TMEM50B: variants seen among roughly 807,000 people sequenced by gnomAD.
The protein encoded by TMEM50B is transmembrane protein 50B, also known as HCV p7-trans-regulated protein 3.
Under a neutral mutation model 23.4 loss-of-function variants are expected in TMEM50B, and 14 were observed. That is an observed-to-expected ratio of 0.60 (90% CI 0.39 to 0.93). The LOEUF (loss-of-function observed/expected upper bound fraction) is 0.93, where lower values mean the gene tolerates loss of function less well. Ranked by LOEUF, TMEM50B falls within the 40% of genes least tolerant of loss-of-function variation. The probability of loss-of-function intolerance (pLI) is 0.00; values close to 1 mark genes in which losing one functional copy is unlikely to be tolerated. For missense variants in TMEM50B, 159 were observed against 193.0 expected, an observed-to-expected ratio of 0.82 and a Z score of 1.04; for synonymous variants, 64 against 62.3, an observed-to-expected ratio of 1.03 and a Z score of -0.13.
chr21:33,463,044 C>A lies in TMEM50B; in HGVS notation c.280+2298G>T, dbSNP rs142002029. 3.3e-3 allele frequency among the ~76,000 whole-genome samples: 497 copies of A among 152,332 alleles called. 3 individuals carry two copies. Among genetic ancestry groups the A allele is most frequent in the African/African-American group, 0.011 (471 of 41,582 alleles). On this transcript the variant is annotated intron_variant, in intron 4 of 6. Coordinates refer to ENST00000542230, the MANE Select transcript of TMEM50B (RefSeq NM_006134.7). ...TGGTGGTTCATGCCTGTAATCCCAG[C>A]ACTTTGGGAGGCCAAGGCGGGTGCA... is the stretch of plus-strand genomic sequence containing the variant.
At chr21:33,468,460 G>T in intron 2 of TMEM50B, 1 of 208,652 alleles carries the variant, frequency 4.8e-6, no homozygotes, top group Non-Finnish European at 9.6e-6. Flanking sequence ...CAATAATTTT[G>T]GGTTACATCA....
chr21:33,439,971 G>A (rs1407758153), intron 7 of TMEM50B, among the ~76,000 whole-genome samples: 6 of 151,926 alleles, frequency 3.9e-5, no homozygotes, highest in South Asian at 2.1e-4. Flanking sequence ...ACTTGAGCCC[G>A]AGAAGCGGAG....
chr21:33,458,223 A>G (rs563236663), intron 5 of TMEM50B, among the ~76,000 whole-genome samples: 1 of 152,162 alleles, frequency 6.6e-6, no homozygotes, highest in Non-Finnish European at 1.5e-5. Flanking sequence ...AGTTTAAAAC[A>G]CACTTTCCGG....
At chr21:33,475,682 C>T (rs760171903) in intron 1 of TMEM50B, among the ~76,000 whole-genome samples, 13 of 150,610 alleles carry the variant, frequency 8.6e-5, no homozygotes, top group Admixed American at 4.0e-4. Flanking sequence ...CAGCTGGGTG[C>T]GGTGGCTTAC....
intron 7 of TMEM50B, among the ~76,000 whole-genome samples, chr21:33,440,864 G>C (rs8129962): frequency 0.1 from 15,705 of 152,102 alleles, 1,340 homozygotes; most frequent in East Asian, 0.42. Flanking sequence ...CTGGGCGACA[G>C]AGCAAGACTC....
intron 8 of TMEM50B, chr21:33,436,766 T>C: frequency 7.4e-7 from 1 of 1,344,876 alleles, no homozygotes; most frequent in Non-Finnish European, 1.0e-6. Flanking sequence ...AAACTAAAGT[T>C]AAAAGGTCTG....
chr21:33,467,150 C>G (rs1310785462), intron 2 of TMEM50B, 28 bp from the exon 3 acceptor site: 2 of 1,563,834 alleles, frequency 1.3e-6, no homozygotes, highest in Non-Finnish European at 1.8e-6. Flanking sequence ...GTCACTGAAA[C>G]ATTAAAACTC....
chr21:33,436,935 G>GC, intron 8 of TMEM50B: 2 of 1,613,984 alleles, frequency 1.2e-6, no homozygotes, highest in Non-Finnish European at 1.7e-6. Flanking sequence ...CGGAAAAGGA[G>GC]CAAGAAGATG....
rs1205532642 is a variant in TMEM50B, at chr21:33,450,806, TAAG to T, written c.*9_*11del. ...AATATAACAAAAGGAAAATGTGACT[TAAG>T]AAGTGATCTCAGGTCCATAGCTCTT... On this transcript the variant is annotated 3_prime_UTR_variant, in exon 7 of 7. Transcript: ENST00000542230. The T allele has an allele frequency of 1.9e-6, 3 of 1,610,494 alleles. No individual in the cohort carries two copies. Among genetic ancestry groups the T allele is most frequent in the Non-Finnish European group, 2.5e-6 (3 of 1,178,118 alleles).
rs1248723929 is a variant in TMEM50B, at chr21:33,467,146, GA to G, written c.100-25del. 16 of 1,583,248 alleles carry G rather than the reference GA, an allele frequency of 1.0e-5. No homozygotes were observed. In the African/African-American group the frequency reaches 1.9e-4, roughly 19 times the overall value. On this transcript the variant is annotated intron_variant, in intron 2 of 6. Coordinates refer to ENST00000542230, the MANE Select transcript of TMEM50B (RefSeq NM_006134.7). ...AACTTAAAACACAGCCCAAGTCACT[GA>G]AACATTAAAACTCTTGCTAGCACAA...
chr21:33,473,364 A>T (rs1308550639), intron 1 of TMEM50B, among the ~76,000 whole-genome samples: 1 of 151,474 alleles, frequency 6.6e-6, no homozygotes, highest in Non-Finnish European at 1.5e-5. Context: ...GAGGCACAGG[A>T]ATCACTTGAA....
chr21:33,466,246 G>A (rs1260568287), intron 3 of TMEM50B, among the ~76,000 whole-genome samples: 1 of 152,060 alleles, frequency 6.6e-6, no homozygotes, highest in Non-Finnish European at 1.5e-5. Context: ...AAACAACAGA[G>A]TAAGACTCTG....
chr21:33,456,179 C>T (rs1186059452), intron 5 of TMEM50B: 6 of 459,056 alleles, frequency 1.3e-5, no homozygotes, highest in South Asian at 3.2e-5. Flanking sequence ...TTCATGAATT[C>T]AAGAGGTTTT....
intron 6 of TMEM50B, among the ~76,000 whole-genome samples, chr21:33,453,087 A>G (rs1318656502): frequency 6.6e-6 from 1 of 152,086 alleles, no homozygotes; most frequent in African/African-American, 2.4e-5. Context: ...AGAGAGATTA[A>G]TTTTATTTAT....
chr21:33,464,817 AAAAAAAAC>A (rs1214830517), intron 4 of TMEM50B, among the ~76,000 whole-genome samples: 1 of 151,056 alleles, frequency 6.6e-6, no homozygotes, highest in East Asian at 2.0e-4. Context: ...AAAAAAAAAA[AAAAAAAAC>A]AAAAATTGGA....
chr21:33,451,336 A>G (rs2084117767), intron 6 of TMEM50B, among the ~76,000 whole-genome samples: 1 of 152,204 alleles, frequency 6.6e-6, no homozygotes, highest in African/African-American at 2.4e-5. Flanking sequence ...GCTACGTACC[A>G]AGCACCTAAG....
chr21:33,467,852 A>G (rs977790203), intron 2 of TMEM50B, among the ~76,000 whole-genome samples: 1 of 152,064 alleles, frequency 6.6e-6, no homozygotes, highest in Non-Finnish European at 1.5e-5. Context: ...AAAGAGATGA[A>G]TTTTTAAAAT....
chr21:33,451,989 C>T (rs1007585535), intron 6 of TMEM50B, among the ~76,000 whole-genome samples: 19 of 152,172 alleles, frequency 1.2e-4, no homozygotes, highest in African/African-American at 4.1e-4. Flanking sequence ...ATACAGGCTG[C>T]CTGATAACTT....
chr21:33,469,344 G>C (rs375470129), intron 1 of TMEM50B, among the ~76,000 whole-genome samples: 2 of 152,134 alleles, frequency 1.3e-5, no homozygotes, highest in Non-Finnish European at 2.9e-5. Context: ...ACAGCTACTC[G>C]GGAGGCTGAG....
Sources: gnomAD v4.1 joint callset for allele counts (sites outside exome capture counted in the v4.1 genomes callset) on GRCh38, gnomAD v4.1.1 for gene constraint, MANE v1.5 for transcripts, NCBI Gene and HGNC (gene_info 2026-07-23, HGNC 2026-07-21) for gene names.